The following EBF1 variants were observed in gnomAD, a reference collection of about 807,000 sequenced individuals.
EBF1 encodes the protein EBF transcription factor 1.
Under a neutral mutation model 68.4 loss-of-function variants are expected in EBF1, and 10 were observed. The observed-to-expected ratio is 0.15, with a 90% CI of 0.09 to 0.25. The LOEUF is 0.25. Among genes scored for constraint, EBF1 ranks in the 10% least tolerant of loss-of-function variants. The probability of loss-of-function intolerance (pLI) is 1.00; values close to 1 mark genes in which losing one functional copy is unlikely to be tolerated. For missense variants in EBF1, 509 were observed against 794.4 expected, an observed-to-expected ratio of 0.64 and a Z score of 4.32; for synonymous variants, 298 against 299.8, an observed-to-expected ratio of 0.99 and a Z score of 0.06.
At chr5:158,882,220 C>G (rs1799030949) in intron 6 of EBF1, among the ~76,000 whole-genome samples, 2 of 152,178 alleles carry the variant, frequency 1.3e-5, no homozygotes, top group Admixed American at 1.3e-4. Flanking sequence ...GTTAACATTT[C>G]AAGCAGGCTT....
At chr5:158,703,215 G>C (rs960186694) in intron 15 of EBF1, among the ~76,000 whole-genome samples, 1 of 152,190 alleles carries the variant, frequency 6.6e-6, no homozygotes, top group African/African-American at 2.4e-5. Context: ...CATAGTTGGT[G>C]ACTCAAGTCT....
In EBF1 at chr5:159,058,379, G is replaced by A. The variant is rs190112972; in HGVS notation, c.554+15017C>T. 3.8e-3 allele frequency among the ~76,000 whole-genome samples: 584 copies of A among 152,320 alleles called. 3 individuals carry two copies. The highest frequency in any genetic ancestry group is 5.6e-3 in the Non-Finnish European group (381 of 68,024). On this transcript the variant is annotated intron_variant, in intron 6 of 15. Transcript: ENST00000313708. ...GAGCTAGCTTAATAAGCTGTAGGAC[G>A]TGAAAAAGTCACTGGTAGGTCCAGG...
chr5:158,922,456 G>A (rs1403868898), intron 6 of EBF1, among the ~76,000 whole-genome samples: 1 of 152,196 alleles, frequency 6.6e-6, no homozygotes, highest in African/African-American at 2.4e-5. Flanking sequence ...GGAAGACAGA[G>A]TCAGCAAGGG....
chr5:159,045,852 C>T (rs1459152310), intron 6 of EBF1, among the ~76,000 whole-genome samples: 1 of 152,072 alleles, frequency 6.6e-6, no homozygotes, highest in African/African-American at 2.4e-5. Flanking sequence ...TAGATCATTC[C>T]AATTCTCCCA....
intron 6 of EBF1, among the ~76,000 whole-genome samples, chr5:158,914,462 C>A (rs1033775135): frequency 6.6e-6 from 1 of 152,130 alleles, no homozygotes; most frequent in Non-Finnish European, 1.5e-5. Context: ...GACTATTAGG[C>A]CCCTTGCTGT....
At chr5:159,064,899 C>CTTTTTTTTTTT (rs57256923) in intron 6 of EBF1, among the ~76,000 whole-genome samples, 160 of 67,910 alleles carry the variant, frequency 2.4e-3, no homozygotes, top group Admixed American at 3.1e-3. Flanking sequence ...CTCTTTTCAT[C>CTTTTTTTTTTT]TTTTTTTTTT....
At chr5:159,097,179 C>A in intron 1 of EBF1, 49 bp from the exon 2 acceptor site, 1 of 1,577,022 alleles carries the variant, frequency 6.3e-7, no homozygotes, top group Non-Finnish European at 8.6e-7. Context: ...CGCCGACCCG[C>A]GCCCCTTGTC....
intron 14 of EBF1, among the ~76,000 whole-genome samples, chr5:158,709,618 A>G (rs1758713736): frequency 1.3e-5 from 2 of 152,184 alleles, no homozygotes; most frequent in Admixed American, 1.3e-4. Flanking sequence ...GACCCCTTCT[A>G]ATCAGTCCAA....
At chr5:159,073,307 A>G in intron 6 of EBF1, 89 bp downstream of exon 6, 3 of 1,402,228 alleles carry the variant, frequency 2.1e-6, no homozygotes, top group Non-Finnish European at 3.0e-6. Flanking sequence ...AGCCACATGC[A>G]TTCCTAACCC....
chr5:158,748,876 T>C (rs1561816729), intron 10 of EBF1, among the ~76,000 whole-genome samples: 1 of 152,088 alleles, frequency 6.6e-6, no homozygotes, highest in East Asian at 1.9e-4. Flanking sequence ...CTGGCAGATG[T>C]AAAAGGATGG....
intron 6 of EBF1, among the ~76,000 whole-genome samples, chr5:158,862,765 C>A (rs1424305559): frequency 6.6e-6 from 1 of 152,044 alleles, no homozygotes; most frequent in Non-Finnish European, 1.5e-5. Flanking sequence ...AAGTGGACAC[C>A]ATATTGTGAA....
chr5:158,997,679 G>T (rs1397749224), intron 6 of EBF1, among the ~76,000 whole-genome samples: 1 of 152,090 alleles, frequency 6.6e-6, no homozygotes, highest in Non-Finnish European at 1.5e-5. Context: ...TAACACAATA[G>T]TAGTTAATGA....
intron 10 of EBF1, among the ~76,000 whole-genome samples, chr5:158,765,487 C>T (rs1174470006): frequency 6.6e-6 from 1 of 152,110 alleles, no homozygotes; most frequent in Non-Finnish European, 1.5e-5. Flanking sequence ...TCCATAATGA[C>T]TGGGAGTTGG....
At chr5:159,073,553 C>T in intron 5 of EBF1, 89 bp from the exon 6 acceptor site, 1 of 1,417,256 alleles carries the variant, frequency 7.1e-7, no homozygotes. Flanking sequence ...TGCTGGGTTG[C>T]AAATGCTAGA....
intron 6 of EBF1, among the ~76,000 whole-genome samples, chr5:159,021,273 C>A (rs1268698517): frequency 1.3e-5 from 2 of 152,064 alleles, no homozygotes; most frequent in African/African-American, 4.8e-5. Flanking sequence ...GGAGGAAGTT[C>A]TGGGAATCTC....
intron 6 of EBF1, among the ~76,000 whole-genome samples, chr5:159,042,595 T>C (rs1361114150): frequency 6.6e-6 from 1 of 151,454 alleles, no homozygotes; most frequent in Non-Finnish European, 1.5e-5. Context: ...CCTGTGTGTG[T>C]GTGTGTGTGT....
chr5:159,017,865 A>G (rs1424063591), intron 6 of EBF1, among the ~76,000 whole-genome samples: 1 of 152,220 alleles, frequency 6.6e-6, no homozygotes, highest in Non-Finnish European at 1.5e-5. Flanking sequence ...ATTCAAATGC[A>G]TCACTGAAAG....
intron 9 of EBF1, among the ~76,000 whole-genome samples, chr5:158,782,553 T>A (rs1561912741): frequency 6.6e-6 from 1 of 152,024 alleles, no homozygotes; most frequent in Non-Finnish European, 1.5e-5. Flanking sequence ...CCCAGCTACT[T>A]GGGAGGCTGA....
intron 6 of EBF1, among the ~76,000 whole-genome samples, chr5:158,944,706 T>G (rs1374438090): frequency 6.6e-6 from 1 of 152,218 alleles, no homozygotes; most frequent in African/African-American, 2.4e-5. Flanking sequence ...GTGTTCCTAT[T>G]TCTCCACATC....
Sources: gnomAD v4.1 joint callset for allele counts (sites outside exome capture counted in the v4.1 genomes callset) on GRCh38, gnomAD v4.1.1 for gene constraint, MANE v1.5 for transcripts, NCBI Gene and HGNC (gene_info 2026-07-23, HGNC 2026-07-21) for gene names.